The following KCNS3 variants were observed in gnomAD, a reference collection of about 807,000 sequenced individuals.
KCNS3 encodes delayed-rectifier potassium channel regulatory subunit KCNS3.
KCNS3 carries 13 observed loss-of-function variants against 31.0 expected under a neutral mutation model. That is an observed-to-expected ratio of 0.42 (90% CI 0.27 to 0.67). The LOEUF (loss-of-function observed/expected upper bound fraction) is 0.67. Among genes scored for constraint, KCNS3 ranks in the 30% least tolerant of loss-of-function variants. The probability of loss-of-function intolerance (pLI) is 0.25; values close to 1 mark genes in which losing one functional copy is unlikely to be tolerated. For synonymous variants in KCNS3, 238 were observed against 241.5 expected, an observed-to-expected ratio of 0.99 and a Z score of 0.13; for missense variants, 545 against 622.4, an observed-to-expected ratio of 0.88 and a Z score of 1.32.
chr2:17,890,130 A>G (rs1661810752), intron 1 of KCNS3, among the ~76,000 whole-genome samples: 1 of 152,090 alleles, frequency 6.6e-6, no homozygotes. Context: ...AGGGTAGCTA[A>G]TTCTTCCTGA....
intron 2 of KCNS3, among the ~76,000 whole-genome samples, chr2:17,927,043 C>G (rs1270182775): frequency 2.0e-5 from 3 of 152,212 alleles, no homozygotes. Flanking sequence ...GCACCTAGGT[C>G]ACATCTTGGA....
At chr2:17,922,651 G>A (rs986145014) in intron 2 of KCNS3, among the ~76,000 whole-genome samples, 4 of 151,972 alleles carry the variant, frequency 2.6e-5, no homozygotes, top group African/African-American at 9.7e-5. Flanking sequence ...TCCATTAATA[G>A]TACCCATCTC....
chr2:17,908,221 C>T (rs982106646), intron 1 of KCNS3, among the ~76,000 whole-genome samples: 1 of 152,202 alleles, frequency 6.6e-6, no homozygotes, highest in African/African-American at 2.4e-5. Context: ...AATCTTCAAT[C>T]ACTGATACCC....
intron 2 of KCNS3, among the ~76,000 whole-genome samples, chr2:17,929,606 C>T (rs1207124022): frequency 6.6e-6 from 1 of 152,214 alleles, no homozygotes; most frequent in Non-Finnish European, 1.5e-5. Context: ...ATTAGGTGGA[C>T]TCCACTTGAA....
chr2:17,930,506 A>G (rs1049078589), intron 2 of KCNS3, among the ~76,000 whole-genome samples: 2 of 152,188 alleles, frequency 1.3e-5, no homozygotes, highest in African/African-American at 4.8e-5. Context: ...AGGGATTGGA[A>G]GGGATGAGCT....
At chr2:17,915,618 T>G (rs900789488) in intron 1 of KCNS3, among the ~76,000 whole-genome samples, 1 of 152,148 alleles carries the variant, frequency 6.6e-6, no homozygotes, top group Non-Finnish European at 1.5e-5. Context: ...GTCCCCCATA[T>G]AAAATGGGGA....
chr2:17,899,723 C>A (rs1163601784), intron 1 of KCNS3, among the ~76,000 whole-genome samples: 2 of 152,108 alleles, frequency 1.3e-5, no homozygotes, highest in South Asian at 2.1e-4. Flanking sequence ...AAAGGTTTTC[C>A]AGAAAAGTTA....
intron 1 of KCNS3, among the ~76,000 whole-genome samples, chr2:17,892,612 T>C (rs985839871): frequency 6.6e-6 from 1 of 152,214 alleles, no homozygotes; most frequent in African/African-American, 2.4e-5. Flanking sequence ...CAGATTCTTT[T>C]GTCCCACTGG....
At chr2:17,921,939 A>G (rs897587907) in intron 2 of KCNS3, among the ~76,000 whole-genome samples, 42 of 133,024 alleles carry the variant, frequency 3.2e-4, no homozygotes, top group African/African-American at 1.1e-3. Context: ...ATATATATAT[A>G]TATATATATA....
At chr2:17,886,065 G>A (rs937399872) in intron 1 of KCNS3, among the ~76,000 whole-genome samples, 5 of 151,998 alleles carry the variant, frequency 3.3e-5, no homozygotes, top group Admixed American at 1.3e-4. Flanking sequence ...GCCATAGAAC[G>A]GAAAGTTATT....
chr2:17,898,762 A>G (rs16984042), intron 1 of KCNS3, among the ~76,000 whole-genome samples: 2,010 of 152,288 alleles, frequency 0.013, 18 homozygotes, highest in Admixed American at 0.03. Flanking sequence ...AGGAAACTAA[A>G]TCCCTGCAGA....
intron 1 of KCNS3, among the ~76,000 whole-genome samples, chr2:17,900,229 G>A (rs1435541001): frequency 6.6e-6 from 1 of 152,168 alleles, no homozygotes; most frequent in African/African-American, 2.4e-5. Context: ...GCCTACCTTT[G>A]CAGAGCTCAC....
In KCNS3 at chr2:17,921,776, A is replaced by G. The variant is rs372012477; in HGVS notation, c.-60+3905A>G. Among the ~76,000 whole-genome samples, 9 of 151,574 alleles carry G rather than the reference A, an allele frequency of 5.9e-5. No homozygotes were observed. In the East Asian group the frequency reaches 1.4e-3, roughly 23 times the overall value. On this transcript the variant is annotated intron_variant, in intron 2 of 2. Coordinates refer to ENST00000304101, the MANE Select transcript of KCNS3 (RefSeq NM_002252.5). Reference sequence around the variant, plus strand: ...AAAAAGCAAGGGGAAGTCTGCCCCCATGATTCAATCACCTCCCACCAGGCC... The same window carrying G: ...AAAAAGCAAGGGGAAGTCTGCCCCCGTGATTCAATCACCTCCCACCAGGCC...
chr2:17,899,833 A>G lies in KCNS3; in HGVS notation c.-251-17847A>G, dbSNP rs558219009. Among the ~76,000 whole-genome samples, 3 of 152,342 alleles carry G rather than the reference A, an allele frequency of 2.0e-5. No individual in the cohort carries two copies. The South Asian group carries it at 6.2e-4, about 32-fold the overall frequency. On this transcript the variant is annotated intron_variant, in intron 1 of 2. Coordinates refer to ENST00000304101, the MANE Select transcript of KCNS3 (RefSeq NM_002252.5). ...TTCTATTTATCCCAGTGCTTTGTAG[A>G]TGTTTTGTAGCTCTTCACAGAAAGG...
intron 2 of KCNS3, among the ~76,000 whole-genome samples, chr2:17,923,856 C>T (rs770078254): frequency 3.0e-4 from 46 of 151,722 alleles, no homozygotes; most frequent in Non-Finnish European, 6.3e-4. Flanking sequence ...TTGTCAATTT[C>T]TGAAGTTTTA....
chr2:17,925,026 T>C (rs114777510), intron 2 of KCNS3, among the ~76,000 whole-genome samples: 83 of 152,306 alleles, frequency 5.4e-4, no homozygotes, highest in African/African-American at 1.9e-3. Context: ...AATAAATAGG[T>C]TTATTCAGAT....
At chr2:17,914,809 G>A (rs1439889687) in intron 1 of KCNS3, among the ~76,000 whole-genome samples, 1 of 152,192 alleles carries the variant, frequency 6.6e-6, no homozygotes, top group Non-Finnish European at 1.5e-5. Flanking sequence ...CAAGCACAGA[G>A]GACACAGACC....
At chr2:17,930,460 C>G (rs536370637) in intron 2 of KCNS3, among the ~76,000 whole-genome samples, 1 of 152,224 alleles carries the variant, frequency 6.6e-6, no homozygotes, top group African/African-American at 2.4e-5. Flanking sequence ...AGCTGAGCCC[C>G]CTGTGATGAG....
chr2:17,883,050 G>A (rs1269113341), intron 1 of KCNS3, among the ~76,000 whole-genome samples: 4 of 152,116 alleles, frequency 2.6e-5, no homozygotes, highest in Non-Finnish European at 4.4e-5. Flanking sequence ...TATAAATATT[G>A]TCTTCAGTTG....
Sources: allele counts gnomAD v4.1 joint callset (sites outside exome capture counted in the v4.1 genomes callset), GRCh38; gene constraint gnomAD v4.1.1; transcripts MANE v1.5; gene names NCBI Gene and HGNC (gene_info 2026-07-23, HGNC 2026-07-21).